The following HMCES variants were observed in gnomAD, a reference collection of about 807,000 sequenced individuals.
HMCES encodes 5-hydroxymethylcytosine binding, ES cell specific, also known as abasic site processing protein HMCES.
A neutral mutation model predicts 35.1 loss-of-function variants in HMCES; 27 were observed. The ratio of observed to expected loss-of-function variants is 0.77; its 90% CI spans 0.57 to 1.06. The LOEUF is 1.06. HMCES is among the 50% of genes least tolerant of loss of function. The probability of loss-of-function intolerance (pLI) is 0.00; values close to 1 mark genes in which losing one functional copy is unlikely to be tolerated. For synonymous variants in HMCES, 130 were observed against 154.7 expected, an observed-to-expected ratio of 0.84 and a Z score of 1.18; for missense variants, 391 against 430.4, an observed-to-expected ratio of 0.91 and a Z score of 0.81.
intron 5 of HMCES, among the ~76,000 whole-genome samples, chr3:129,299,842 GA>G (rs897516559): frequency 2.8e-4 from 43 of 151,838 alleles, no homozygotes; most frequent in African/African-American, 8.9e-4. Flanking sequence ...TGTTACCCAG[GA>G]TGGTCTAGAT....
Position 129,279,985 on chromosome 3 carries a change from T to C in HMCES, c.183+70T>C. 1 of 1,336,414 alleles carries C rather than the reference T, an allele frequency of 7.5e-7. No individual in the cohort carries two copies. Among genetic ancestry groups the C allele is most frequent in the Admixed American group, 2.7e-5 (1 of 37,320 alleles). The allele number at this position is 1,336,414 out of a possible 1,614,324, so 82.8% of individuals were successfully genotyped here. Reference sequence around the variant, plus strand: ...TGGTCATCTCCTATTTGGTTTGGTGTGTGCTCAGCCTCTTGGGATGACATT... The same window carrying C: ...TGGTCATCTCCTATTTGGTTTGGTGCGTGCTCAGCCTCTTGGGATGACATT... On this transcript the variant is annotated intron_variant, in intron 2 of 6. Coordinates refer to ENST00000383463, the MANE Select transcript of HMCES (RefSeq NM_020187.3). This position sits in a 1 kb window ranked among gnomAD's most constrained non-coding sequence, Gnocchi z 4.2.
intron 2 of HMCES, among the ~76,000 whole-genome samples, chr3:129,283,334 CTTT>C (rs200342278): frequency 1.4e-5 from 2 of 139,172 alleles, no homozygotes. Flanking sequence ...GCTTGGAAGA[CTTT>C]TTTTTTTTTT....
At chr3:129,301,204 A>AG (rs1414027859) in intron 5 of HMCES, among the ~76,000 whole-genome samples, 10 of 126,864 alleles carry the variant, frequency 7.9e-5, no homozygotes, top group Non-Finnish European at 1.4e-4. Flanking sequence ...AAAAAAAAAA[A>AG]AAGAAGAAAA....
chr3:129,280,147 A>G (rs544423024), intron 2 of HMCES, among the ~76,000 whole-genome samples: 1 of 152,322 alleles, frequency 6.6e-6, no homozygotes, highest in East Asian at 1.9e-4. Context: ...TTTGCTATAC[A>G]TGGCATACTA....
intron 4 of HMCES, among the ~76,000 whole-genome samples, chr3:129,296,654 T>G (rs912597120): frequency 2.3e-4 from 35 of 152,370 alleles, no homozygotes; most frequent in African/African-American, 8.2e-4. Context: ...AGATTAATAA[T>G]ATTTATGTCT....
chr3:129,285,254 A>C lies in HMCES; in HGVS notation c.184-3600A>C, dbSNP rs141899437. Among the ~76,000 whole-genome samples, 364 of 152,210 alleles carry C rather than the reference A, an allele frequency of 2.4e-3. 2 individuals are homozygous for C. The highest frequency in any genetic ancestry group is 8.3e-3 in the African/African-American group (343 of 41,536). ...TCATCTTTTTATAGACAATTTTATG[A>C]TTTGTTTTTAATCCTTACCTTAGAA... On this transcript the variant is annotated intron_variant, in intron 2 of 6. Coordinates refer to ENST00000383463, the MANE Select transcript of HMCES (RefSeq NM_020187.3).
chr3:129,286,990 G>A (rs1471202419), intron 2 of HMCES, among the ~76,000 whole-genome samples: 1 of 152,184 alleles, frequency 6.6e-6, no homozygotes. Flanking sequence ...CATTAGAAGG[G>A]CTAAGCATAT....
intron 5 of HMCES, among the ~76,000 whole-genome samples, chr3:129,300,005 T>A (rs183617193): frequency 5.9e-5 from 9 of 152,072 alleles, no homozygotes; most frequent in Non-Finnish European, 1.2e-4. Flanking sequence ...CTCCTTGATA[T>A]CCTTTGCTCA....
At chr3:129,296,562 T>C (rs1376361726) in intron 4 of HMCES, among the ~76,000 whole-genome samples, 1 of 152,214 alleles carries the variant, frequency 6.6e-6, no homozygotes, top group East Asian at 1.9e-4. Context: ...TCTATATCTC[T>C]TGGTGGTTGA....
rs548551550 is a variant in HMCES, at chr3:129,298,972, G to A, written c.635+437G>A. On this transcript the variant is annotated intron_variant, in intron 5 of 6. Transcript: ENST00000383463. The stretch of plus-strand genomic sequence containing the variant: ...ATCCTGGCTAACACGGTGAAACCCC[G>A]TCTCTACTAAAAATACAACAACTAA... Among the ~76,000 whole-genome samples, 7 of 152,214 alleles carry A rather than the reference G, an allele frequency of 4.6e-5. No individual in the cohort carries two copies. In the South Asian group the frequency reaches 8.3e-4, roughly 18 times the overall value.
At chr3:129,302,647 G>A (rs1364807002) in intron 6 of HMCES, among the ~76,000 whole-genome samples, 1 of 152,116 alleles carries the variant, frequency 6.6e-6, no homozygotes, top group Admixed American at 6.5e-5. Flanking sequence ...AACCTGGGAG[G>A]TGGAGGTTGC....
At chr3:129,302,333 G>A (rs952257687) in intron 6 of HMCES, among the ~76,000 whole-genome samples, 191 bp downstream of exon 6, 1 of 152,162 alleles carries the variant, frequency 6.6e-6, no homozygotes, top group Non-Finnish European at 1.5e-5. Context: ...GAGTCCCCAG[G>A]AGAAGAACTC....
intron 4 of HMCES, 133 bp from the exon 5 acceptor site, chr3:129,298,219 CAG>C (rs1435529542): frequency 1.4e-6 from 1 of 733,116 alleles, no homozygotes; most frequent in Non-Finnish European, 2.3e-6. Context: ...CCTTTGGTGA[CAG>C]AGGGGTTAAT....
intron 4 of HMCES, among the ~76,000 whole-genome samples, chr3:129,294,473 C>T (rs1019189541): frequency 3.3e-5 from 5 of 152,026 alleles, no homozygotes; most frequent in African/African-American, 1.2e-4. Flanking sequence ...CTACAGCTTA[C>T]AGCATACATT....
chr3:129,287,356 T>G (rs1191258254), intron 2 of HMCES, among the ~76,000 whole-genome samples: 1 of 152,048 alleles, frequency 6.6e-6, no homozygotes, highest in Non-Finnish European at 1.5e-5. Context: ...TCTAAGTAGC[T>G]GGAACTACAG....
intron 2 of HMCES, among the ~76,000 whole-genome samples, chr3:129,281,337 G>C (rs1393882499): frequency 6.6e-6 from 1 of 152,102 alleles, no homozygotes; most frequent in Non-Finnish European, 1.5e-5. Flanking sequence ...AAACTTTTGT[G>C]ATAATATGAT....
intron 2 of HMCES, among the ~76,000 whole-genome samples, chr3:129,281,211 A>G (rs1940472040): frequency 6.6e-6 from 1 of 150,998 alleles, no homozygotes. Flanking sequence ...GCAGAGCGAG[A>G]CTCCATCTCA....
chr3:129,285,598 C>T (rs1218955716), intron 2 of HMCES, among the ~76,000 whole-genome samples: 1 of 152,066 alleles, frequency 6.6e-6, no homozygotes, highest in Non-Finnish European at 1.5e-5. Flanking sequence ...ACTACAGGCA[C>T]TCGCCACCAC....
At chr3:129,290,937 T>C in intron 4 of HMCES, 133 bp downstream of exon 4, 2 of 785,704 alleles carry the variant, frequency 2.5e-6, no homozygotes, top group Non-Finnish European at 3.8e-6. Flanking sequence ...GTGCGGTGGC[T>C]CACGCCTGTG....
Sources: allele counts gnomAD v4.1 joint callset (sites outside exome capture counted in the v4.1 genomes callset), GRCh38; gene constraint gnomAD v4.1.1; non-coding constraint Gnocchi (gnomAD v3.1); transcripts MANE v1.5; gene names NCBI Gene and HGNC (gene_info 2026-07-23, HGNC 2026-07-21).